The following ZNF618 variants were observed in gnomAD, a reference collection of about 807,000 sequenced individuals.
ZNF618 encodes the protein neural precursor cell expressed, developmentally down-regulated 10.
Under a neutral mutation model 103.0 loss-of-function variants are expected in ZNF618, and 34 were observed. The ratio of observed to expected loss-of-function variants is 0.33; its 90% CI spans 0.25 to 0.44. The LOEUF (loss-of-function observed/expected upper bound fraction) is 0.44, where lower values mean the gene tolerates loss of function less well. Among genes scored for constraint, ZNF618 ranks in the 20% least tolerant of loss-of-function variants. The pLI is 1.00. For missense variants in ZNF618, 1,059 were observed against 1,295.4 expected, an observed-to-expected ratio of 0.82 and a Z score of 2.80; for synonymous variants, 551 against 542.2, an observed-to-expected ratio of 1.02 and a Z score of -0.23.
intron 13 of ZNF618, among the ~76,000 whole-genome samples, chr9:114,037,038 T>C (rs1053586875): frequency 6.6e-6 from 1 of 152,218 alleles, no homozygotes; most frequent in Non-Finnish European, 1.5e-5. Flanking sequence ...ACCACTGCTC[T>C]AGAGCTACAG....
At chr9:113,889,190 T>A (rs1784267252) in intron 1 of ZNF618, among the ~76,000 whole-genome samples, 1 of 152,146 alleles carries the variant, frequency 6.6e-6, no homozygotes, top group Non-Finnish European at 1.5e-5. Flanking sequence ...CTCAGGGTCT[T>A]TCTGTGGTTG....
intron 10 of ZNF618, among the ~76,000 whole-genome samples, chr9:114,021,938 G>T (rs1219027215): frequency 6.6e-6 from 1 of 152,060 alleles, no homozygotes; most frequent in Non-Finnish European, 1.5e-5. Flanking sequence ...TTTAACTGAT[G>T]ATGAGTAGTA....
intron 1 of ZNF618, among the ~76,000 whole-genome samples, chr9:113,959,856 G>A (rs1182539723): frequency 2.0e-5 from 3 of 152,108 alleles, no homozygotes; most frequent in Non-Finnish European, 4.4e-5. Context: ...TGATCCACCC[G>A]CCTCGGCCTC....
At chr9:114,010,301 CAA>C (rs3034090) in intron 9 of ZNF618, among the ~76,000 whole-genome samples, 34,880 of 117,236 alleles carry the variant, frequency 0.3, 4,585 homozygotes, top group East Asian at 0.59. Flanking sequence ...GACTCTGTCT[CAA>C]AAAAAAAAAA....
intron 1 of ZNF618, among the ~76,000 whole-genome samples, chr9:113,926,343 T>C (rs186949661): frequency 6.6e-6 from 1 of 152,194 alleles, no homozygotes; most frequent in Non-Finnish European, 1.5e-5. Context: ...TATGATACGC[T>C]GGGATACAGT....
At chr9:114,000,446 A>G (rs565536354) in intron 4 of ZNF618, among the ~76,000 whole-genome samples, 225 of 152,302 alleles carry the variant, frequency 1.5e-3, no homozygotes, top group African/African-American at 5.1e-3. Flanking sequence ...GGCCCAACAC[A>G]AAGTCATAAA....
rs1041485280 is a variant in ZNF618 at position 113,982,866 on chromosome 9, A to G, written c.78-5455A>G. Among the ~76,000 whole-genome samples the G allele has an allele frequency of 7.2e-5, 11 of 152,206 alleles. 1 individual carries two copies. Among genetic ancestry groups the G allele is most frequent in the African/African-American group, 2.7e-4 (11 of 41,458 alleles). ...AGCTGTCTTAGGGAACTTCTTGGGC[A>G]GGGATCCCCTTGGTCTGGCTTCTCT... On this transcript the variant is annotated intron_variant, in intron 2 of 14. Transcript: ENST00000374126.
At chr9:114,031,934 G>C (rs1412342808) in intron 11 of ZNF618, among the ~76,000 whole-genome samples, 1 of 152,156 alleles carries the variant, frequency 6.6e-6, no homozygotes, top group Non-Finnish European at 1.5e-5. Flanking sequence ...AAAAATTCAT[G>C]GTTTTCCACC....
At chr9:113,965,582 G>A (rs1227445122) in intron 1 of ZNF618, among the ~76,000 whole-genome samples, 1 of 152,122 alleles carries the variant, frequency 6.6e-6, no homozygotes, top group African/African-American at 2.4e-5. Flanking sequence ...TATTTTATTT[G>A]TCATAGAGGA....
At chr9:113,896,617 C>T (rs1044956149) in intron 1 of ZNF618, among the ~76,000 whole-genome samples, 5 of 151,898 alleles carry the variant, frequency 3.3e-5, no homozygotes, top group Non-Finnish European at 7.4e-5. Context: ...TTTTATATAT[C>T]ATTGACTTTA....
Position 114,055,683 on chromosome 9 carries a change from T to C in ZNF618, c.*5516T>C, listed in dbSNP as rs1354555262. ...ACACATCTGACTGTGTCTCTCTCTT[T>C]GAGTGCAAGAAACTCAAGTCATCTT... On this transcript the variant is annotated 3_prime_UTR_variant, in exon 15 of 15. Transcript: ENST00000374126. The C allele has an allele frequency of 6.7e-6, 1 of 148,716 alleles. No homozygotes were observed. Among genetic ancestry groups the C allele is most frequent in the African/African-American group, 2.5e-5 (1 of 40,224 alleles). 9.2% of individuals were successfully genotyped at this position (148,716 alleles called of 1,614,324 possible). A position where few individuals can be genotyped will look rare whatever the true frequency, so the allele number is the denominator to read the frequency against.
chr9:114,002,612 C>CTCTCTT lies in ZNF618; in HGVS notation c.512-10_512-5dup. 2 of 1,609,918 alleles carry CTCTCTT rather than the reference C, an allele frequency of 1.2e-6. No individual in the cohort carries two copies. Among genetic ancestry groups the CTCTCTT allele is most frequent in the Non-Finnish European group, 1.7e-6 (2 of 1,179,566 alleles). ...TAGCCCCACCCCCATCCCTCTCTCTCTCTCTTTGCAGACACCGAAGCCACC... is the reference window on the plus strand; with the variant it reads ...TAGCCCCACCCCCATCCCTCTCTCTCTCTCTTTCTCTTTGCAGACACCGAAGCCACC... On this transcript the variant is annotated splice_polypyrimidine_tract_variant and intron_variant, in intron 5 of 14. Transcript: ENST00000374126.
chr9:113,937,474 G>GA (rs1323913457), intron 1 of ZNF618, among the ~76,000 whole-genome samples: 1 of 152,186 alleles, frequency 6.6e-6, no homozygotes, highest in African/African-American at 2.4e-5. Context: ...ATATTCCTAT[G>GA]TTTTTTATAG....
chr9:114,047,647 G>C (rs1845774281), intron 13 of ZNF618, among the ~76,000 whole-genome samples: 1 of 152,088 alleles, frequency 6.6e-6, no homozygotes, highest in African/African-American at 2.4e-5. Flanking sequence ...AGCTCTTCCT[G>C]GATTAGCTCT....
chr9:113,940,336 A>G (rs1397009403), intron 1 of ZNF618, among the ~76,000 whole-genome samples: 1 of 152,060 alleles, frequency 6.6e-6, no homozygotes, highest in African/African-American at 2.4e-5. Flanking sequence ...GTATTGTTTT[A>G]TAAGTACATA....
chr9:113,880,771 T>C (rs1469083111), intron 1 of ZNF618, among the ~76,000 whole-genome samples: 1 of 152,272 alleles, frequency 6.6e-6, no homozygotes, highest in Non-Finnish European at 1.5e-5. Context: ...ATGTGTGTGA[T>C]TTGAAATAGA....
At chr9:113,906,018 G>T (rs879939379) in intron 1 of ZNF618, among the ~76,000 whole-genome samples, 1 of 152,070 alleles carries the variant, frequency 6.6e-6, no homozygotes, top group African/African-American at 2.4e-5. Flanking sequence ...GATATATTTC[G>T]ATCAGTTTCT....
At position 114,016,083 on chromosome 9, in the gene ZNF618, A is replaced by G. The variant is rs1371651786; in HGVS notation, c.755-612A>G. ...TCTTTAGTTTTTATTCTGTATTTGT[A>G]TTTATCAGTATTTTATAATTTTCCC... On this transcript the variant is annotated intron_variant, in intron 9 of 14. Coordinates refer to ENST00000374126, the MANE Select transcript of ZNF618 (RefSeq NM_001318042.2). 2.6e-6 allele frequency: 4 copies of G among 1,543,548 alleles called. No homozygotes were observed. The East Asian group carries it at 9.0e-5, about 35-fold the overall frequency.
At chr9:113,944,104 G>A (rs1419376996) in intron 1 of ZNF618, among the ~76,000 whole-genome samples, 3 of 152,176 alleles carry the variant, frequency 2.0e-5, no homozygotes, top group African/African-American at 7.2e-5. Context: ...TTGATCCAAT[G>A]TGGAATTTCC....
Sources: allele counts gnomAD v4.1 joint callset (sites outside exome capture counted in the v4.1 genomes callset), GRCh38; gene constraint gnomAD v4.1.1; transcripts MANE v1.5; gene names NCBI Gene and HGNC (gene_info 2026-07-23, HGNC 2026-07-21).